TK2: variants seen among roughly 807,000 people sequenced by gnomAD.
The protein encoded by TK2 is thymidine kinase 2, mitochondrial.
A neutral mutation model predicts 41.9 loss-of-function variants in TK2; 35 were observed. The ratio of observed to expected loss-of-function variants is 0.84; its 90% confidence interval spans 0.64 to 1.11. The LOEUF (loss-of-function observed/expected upper bound fraction) is 1.11. TK2 is among the 50% of genes least tolerant of loss of function. The pLI, the probability that TK2 is intolerant of heterozygous loss-of-function variation, is 0.00. For synonymous variants in TK2, 128 were observed against 129.1 expected (o/e 0.99, Z 0.06); for missense variants, 320 against 351.1 (o/e 0.91, Z 0.71).
chr16:66,546,698 T>A (rs1022084966), intron 2 of TK2: 1 of 152,152 alleles, frequency 6.6e-6, no homozygotes, highest in Non-Finnish European at 1.5e-5. Flanking sequence ...TTTAATGGCT[T>A]TACATAATCC....
chr16:66,517,126 G>C lies in TK2; in HGVS notation c.618+10C>G. 1 of 1,613,736 alleles carries C rather than the reference G, an allele frequency of 6.2e-7. No individual in the cohort carries two copies. The highest frequency in any genetic ancestry group is 8.5e-7 in the Non-Finnish European group (1 of 1,179,646). ...AGTTTGTCTTTAACCAAGTCAAAGA[G>C]GCCTCTTACCAGCGGAATGACCTTC... On this transcript the variant is annotated intron_variant, in intron 8 of 9. Transcript: ENST00000544898. The surrounding 1 kb of genome is among the most constrained non-coding windows in gnomAD (Gnocchi z 4.3).
chr16:66,516,994 A>G (rs956626354), intron 8 of TK2, 142 bp downstream of exon 8: 1 of 810,030 alleles, frequency 1.2e-6, no homozygotes, highest in Admixed American at 1.7e-5. Flanking sequence ...GTCAGAGTTC[A>G]CCCTCTGATA....
rs760909026 is a variant in TK2 at position 66,508,853 on chromosome 16, G to A, written c.*3115C>T. ...TGTTTCCAGAGGTCCACATTCACTC[G>A]TTTGTAAATTCGGTCACTCATGTTA... On this transcript the variant is annotated 3_prime_UTR_variant, in exon 10 of 10. Coordinates refer to ENST00000544898, the MANE Select transcript of TK2 (RefSeq NM_004614.5). 3.3e-5 allele frequency: 5 copies of A among 152,388 alleles called. No homozygotes were observed. Among genetic ancestry groups the A allele is most frequent in the East Asian group, 1.9e-4 (1 of 5,188 alleles). 9.4% of individuals were successfully genotyped at this position (152,388 alleles called of 1,614,324 possible).
Position 66,508,511 on chromosome 16 carries a change from G to T in TK2, c.*3457C>A, listed in dbSNP as rs1212337578. 1.3e-5 allele frequency: 2 copies of T among 152,282 alleles called. No homozygotes were observed. Among genetic ancestry groups the T allele is most frequent in the African/African-American group, 4.8e-5 (2 of 41,462 alleles). 9.4% of individuals were successfully genotyped at this position (152,282 alleles called of 1,614,324 possible). On this transcript the variant is annotated 3_prime_UTR_variant, in exon 10 of 10. Coordinates refer to ENST00000544898, the MANE Select transcript of TK2 (RefSeq NM_004614.5). ...TAACTAACTCTTCAGGGTGGAGAGG[G>T]CCAAGGAGATGGGTGTTCCTCATTC...
chr16:66,529,039 G>A lies in TK2; in HGVS notation c.404C>T (p.Ser135Leu), dbSNP rs970983506. 4 of 1,613,916 alleles carry A rather than the reference G, an allele frequency of 2.5e-6. No homozygotes were observed. Among genetic ancestry groups the A allele is most frequent in the East Asian group, 4.5e-5 (2 of 44,876 alleles). ...AAAAATGTATCTTGCGCTGTGAATC[G>A]ACCTCTCCATCAACCGTACAGATGA... Reference protein sequence around the residue: ...QVSSVRLMERSIHSARYIFVE... With the variant: ...QVSSVRLMERLIHSARYIFVE... The change falls in exon 6 of 10, where the codon TCG becomes TTG. Residue 135 changes from serine to leucine, a missense_variant. By Grantham distance (145) the Ser-to-Leu change is moderately radical. Transcript: ENST00000544898.
At chr16:66,546,081 T>C (rs61433139) in intron 2 of TK2, among the ~76,000 whole-genome samples, 10,860 of 151,902 alleles carry the variant, frequency 0.071, 501 homozygotes, top group African/African-American at 0.12. Flanking sequence ...AATACAAAAA[T>C]TAGCCAGGAA....
At chr16:66,547,055 G>A (rs1479214173) in intron 2 of TK2, among the ~76,000 whole-genome samples, 2 of 152,114 alleles carry the variant, frequency 1.3e-5, no homozygotes, top group Non-Finnish European at 2.9e-5. Context: ...GTATGGCCCT[G>A]TTGGATGTTA....
intron 1 of TK2, 38 bp downstream of exon 1, chr16:66,549,900 T>A (rs779921012): frequency 3.7e-6 from 5 of 1,335,534 alleles, no homozygotes; most frequent in Non-Finnish European, 4.8e-6. Context: ...GGTGGGCGCA[T>A]AGGGGCTCCT....
intron 8 of TK2, among the ~76,000 whole-genome samples, chr16:66,516,741 G>GT (rs147358248): frequency 0.018 from 2,764 of 152,286 alleles, 35 homozygotes; most frequent in Non-Finnish European, 0.03. Context: ...GGATGCAGCA[G>GT]TGAACAAGAG....
At chr16:66,527,865 A>G (rs201091345) in intron 6 of TK2, among the ~76,000 whole-genome samples, 2 of 152,062 alleles carry the variant, frequency 1.3e-5, no homozygotes, top group Non-Finnish European at 1.5e-5. Context: ...TCCTGCCTCT[A>G]CTAAAAATAC....
At chr16:66,532,808 A>G (rs1965157134) in intron 4 of TK2, among the ~76,000 whole-genome samples, 1 of 152,096 alleles carries the variant, frequency 6.6e-6, no homozygotes, top group Non-Finnish European at 1.5e-5. Flanking sequence ...TACCCAAAGC[A>G]ATTTACAGAT....
rs1203258681 is a variant in TK2, at chr16:66,541,944, C to T, written c.166G>A (p.Glu56Lys). The change falls in exon 3 of 10, where the codon GAG becomes AAG. Residue 56 changes from glutamate to lysine, a missense_variant. Physicochemically the swap from Glu to Lys is moderately conservative, Grantham distance 56. Coordinates refer to ENST00000544898, the MANE Select transcript of TK2 (RefSeq NM_004614.5). ...EKEKKSVICV[E>K]GNIASGKTTC... ...GTCTTCCCACTTGCAATATTGCCCT[C>T]GACACAGATCTGGCAAAAGACGAAT... 7.4e-6 allele frequency: 12 copies of T among 1,614,090 alleles called. No homozygotes were observed. The highest frequency in any genetic ancestry group is 1.0e-5 in the Non-Finnish European group (12 of 1,179,992).
At chr16:66,519,875 G>A (rs986114411) in intron 6 of TK2, among the ~76,000 whole-genome samples, 1 of 152,178 alleles carries the variant, frequency 6.6e-6, no homozygotes, top group South Asian at 2.1e-4. Context: ...ACGAGGGGAT[G>A]AGCATGGAAG....
chr16:66,542,471 G>A (rs978501174), intron 2 of TK2, among the ~76,000 whole-genome samples: 1 of 152,188 alleles, frequency 6.6e-6, no homozygotes, highest in African/African-American at 2.4e-5. Context: ...CACAGGCCAA[G>A]CCCTGAGACA....
intron 5 of TK2, 125 bp from the exon 6 acceptor site, chr16:66,529,192 G>A (rs1431893080): frequency 5.5e-6 from 5 of 911,802 alleles, no homozygotes; most frequent in African/African-American, 1.6e-5. Context: ...AGGCGGCAGA[G>A]AGAGTGAAGC....
At chr16:66,530,780 T>C (rs559935053) in intron 5 of TK2, among the ~76,000 whole-genome samples, 2 of 151,856 alleles carry the variant, frequency 1.3e-5, no homozygotes, top group African/African-American at 2.4e-5. Context: ...TGCAGTGGTA[T>C]GATCTCAGCT....
Position 66,510,330 on chromosome 16 carries a change from T to A in TK2, c.*1638A>T, listed in dbSNP as rs367911808. 1 of 152,144 alleles carries A rather than the reference T, an allele frequency of 6.6e-6. No homozygotes were observed. Among genetic ancestry groups the A allele is most frequent in the Non-Finnish European group, 1.5e-5 (1 of 68,034 alleles). 9.4% of individuals were successfully genotyped at this position (152,144 alleles called of 1,614,324 possible). ...AATTCTCAAAGACAGACCCCACATG[T>A]CAAGATTCCTGGTAGCAAAGGTTCT... On this transcript the variant is annotated 3_prime_UTR_variant, in exon 10 of 10. Transcript: ENST00000544898.
Position 66,541,941 on chromosome 16 carries a change from C to A in TK2, c.169G>T (p.Gly57Cys), listed in dbSNP as rs749123392. The stretch of plus-strand genomic sequence containing the variant: ...GTCGTCTTCCCACTTGCAATATTGC[C>A]CTCGACACAGATCTGGCAAAAGACG... ...KEKKSVICVE[G>C]NIASGKTTCL... Residue 57 changes from glycine (G) to cysteine (C), a missense_variant, in exon 3 of 10, where the codon GGC becomes TGC. Coordinates refer to ENST00000544898, the MANE Select transcript of TK2 (RefSeq NM_004614.5). 1 of 1,614,004 alleles carries A rather than the reference C, an allele frequency of 6.2e-7. No homozygotes were observed. The highest frequency in any genetic ancestry group is 1.3e-5 in the African/African-American group (1 of 74,892).
At chr16:66,544,706 A>T (rs929221917) in intron 2 of TK2, among the ~76,000 whole-genome samples, 6 of 152,234 alleles carry the variant, frequency 3.9e-5, no homozygotes, top group African/African-American at 1.4e-4. Context: ...ATTATAACTG[A>T]AACTGTGATG....
Sources: gnomAD v4.1 joint callset for allele counts (sites outside exome capture counted in the v4.1 genomes callset) on GRCh38, gnomAD v4.1.1 for gene constraint, Gnocchi (gnomAD v3.1) non-coding constraint, MANE v1.5 for transcripts, NCBI Gene and HGNC (gene_info 2026-07-23, HGNC 2026-07-21) for gene names.